Variants in KMT2E observed in about 807,000 individuals in gnomAD.
KMT2E encodes the protein lysine methyltransferase 2E (inactive).
Under a neutral mutation model 184.6 loss-of-function variants are expected in KMT2E, and 30 were observed. The observed-to-expected ratio is 0.16, with a 90% CI of 0.12 to 0.22. KMT2E has a LOEUF of 0.22. Ranked by LOEUF, KMT2E falls within the 10% of genes least tolerant of loss-of-function variation. KMT2E has a pLI of 1.00. For synonymous variants in KMT2E, 815 were observed against 776.5 expected, an observed-to-expected ratio of 1.05 and a Z score of -0.82; for missense variants, 2,023 against 2,237.4, an observed-to-expected ratio of 0.90 and a Z score of 1.93.
chr7:105,021,722 T>G lies in KMT2E; in HGVS notation c.-189+7187T>G, dbSNP rs530529382. ...AGAGTAAAGCAAGAGAAAGACACGT[T>G]TAATTCTCCTGAAAACAATTACCTT... On this transcript the variant is annotated intron_variant, in intron 1 of 26. Coordinates refer to ENST00000311117, the MANE Select transcript of KMT2E (RefSeq NM_182931.3). 5.9e-5 allele frequency among the ~76,000 whole-genome samples: 9 copies of G among 152,286 alleles called. No homozygotes were observed. In the South Asian group the frequency reaches 1.9e-3, roughly 32 times the overall value.
intron 15 of KMT2E, among the ~76,000 whole-genome samples, chr7:105,100,939 A>G (rs1288031459): frequency 6.6e-6 from 1 of 152,156 alleles, no homozygotes; most frequent in Non-Finnish European, 1.5e-5. Context: ...AGAGATACTT[A>G]CCAAATGAGA....
At chr7:105,089,747 G>A (rs943388829) in intron 13 of KMT2E, among the ~76,000 whole-genome samples, 2 of 152,056 alleles carry the variant, frequency 1.3e-5, no homozygotes, top group Non-Finnish European at 2.9e-5. Flanking sequence ...AGCATTTCAG[G>A]TAAGGCATGC....
At chr7:105,028,169 C>CT (rs751104838) in intron 1 of KMT2E, among the ~76,000 whole-genome samples, 2,251 of 142,060 alleles carry the variant, frequency 0.016, 17 homozygotes, top group Non-Finnish European at 0.022. Context: ...GGAACTGAGA[C>CT]TTTTTTTTTT....
intron 3 of KMT2E, among the ~76,000 whole-genome samples, chr7:105,054,549 T>A (rs532903815): frequency 1.3e-5 from 2 of 152,212 alleles, no homozygotes; most frequent in East Asian, 1.9e-4. Context: ...GGAGTTTTGC[T>A]CTTGTTGCCC....
intron 15 of KMT2E, among the ~76,000 whole-genome samples, chr7:105,094,978 C>T (rs965743063): frequency 3.9e-5 from 6 of 152,092 alleles, no homozygotes; most frequent in Non-Finnish European, 7.4e-5. Context: ...TGTAGTACAG[C>T]TTGAAAAATA....
intron 1 of KMT2E, among the ~76,000 whole-genome samples, chr7:105,018,111 A>G (rs1438598742): frequency 1.3e-5 from 2 of 152,222 alleles, no homozygotes; most frequent in Non-Finnish European, 2.9e-5. Flanking sequence ...TTAATTTCCA[A>G]GAATAATGTA....
intron 1 of KMT2E, among the ~76,000 whole-genome samples, chr7:105,031,675 A>G (rs1425027222): frequency 6.6e-6 from 1 of 150,810 alleles, no homozygotes; most frequent in Non-Finnish European, 1.5e-5. Context: ...TTGGTTGAAC[A>G]TGGGAGGCGG....
Position 105,073,655 on chromosome 7 carries a change from C to A in KMT2E, c.534C>A (p.Arg178=). 1 of 1,604,652 alleles carries A rather than the reference C, an allele frequency of 6.2e-7. No homozygotes were observed. The highest frequency in any genetic ancestry group is 8.5e-7 in the Non-Finnish European group (1 of 1,172,522). ...LDKERAVLLQ[R]RKRENMSDGD... ...AAGAGAGGGCAGTGCTACTACAACG[C>A]CGGAAAAGGGAAAATATGTCAGGTA... The change falls in exon 7 of 27, where the codon CGC becomes CGA. Residue 178 remains arginine, a synonymous_variant. Transcript: ENST00000311117.
intron 1 of KMT2E, among the ~76,000 whole-genome samples, chr7:105,027,257 C>G (rs1795212499): frequency 6.6e-6 from 1 of 151,632 alleles, no homozygotes; most frequent in Non-Finnish European, 1.5e-5. Context: ...TAATTTAAAA[C>G]AAATTTTTTT....
At position 105,107,403 on chromosome 7, in the gene KMT2E, T is replaced by C. The variant is rs1798956720; in HGVS notation, c.2946T>C (p.Phe982=). 7 of 1,606,114 alleles carry C rather than the reference T, an allele frequency of 4.4e-6. No homozygotes were observed. Among genetic ancestry groups the C allele is most frequent in the East Asian group, 2.2e-5 (1 of 44,828 alleles). Residue 982 remains phenylalanine (F), a synonymous_variant, in exon 22 of 27, where the codon TTT becomes TTC. Coordinates refer to ENST00000311117, the MANE Select transcript of KMT2E (RefSeq NM_182931.3). ...RSSTMLTLGP[F]RNSNLTELGL... ...CAACCATGTTAACATTGGGGCCTTT[T>C]AGAAATTCTAATTTAACTGAACTGG...
intron 1 of KMT2E, among the ~76,000 whole-genome samples, chr7:105,020,173 G>A (rs1435373626): frequency 1.3e-5 from 2 of 151,566 alleles, no homozygotes; most frequent in Non-Finnish European, 2.9e-5. Flanking sequence ...TTTTAATATT[G>A]AGAAAGATGA....
intron 2 of KMT2E, among the ~76,000 whole-genome samples, chr7:105,040,331 A>G (rs1438897474): frequency 6.6e-6 from 1 of 152,198 alleles, no homozygotes; most frequent in East Asian, 1.9e-4. Context: ...ATATACAATA[A>G]TAGACAATTA....
At chr7:105,071,608 A>ATATATATATATATATATATT (rs1304883029) in intron 6 of KMT2E, among the ~76,000 whole-genome samples, 1 of 31,876 alleles carries the variant, frequency 3.1e-5, no homozygotes, top group Non-Finnish European at 5.3e-5. Flanking sequence ...ATATATATAT[A>ATATATATATATATATATATT]TTTTTTTTTT....
At chr7:105,073,905 A>C (rs1326336488) in intron 7 of KMT2E, among the ~76,000 whole-genome samples, 1 of 152,164 alleles carries the variant, frequency 6.6e-6, no homozygotes, top group African/African-American at 2.4e-5. Flanking sequence ...AAATGAGAGG[A>C]AAATAAATAA....
At chr7:105,031,450 G>T (rs1795413053) in intron 1 of KMT2E, among the ~76,000 whole-genome samples, 3 of 151,190 alleles carry the variant, frequency 2.0e-5, no homozygotes, top group Non-Finnish European at 4.4e-5. Flanking sequence ...CTCTTATTTG[G>T]TTATTTAATG....
At chr7:105,019,805 G>A (rs1794872340) in intron 1 of KMT2E, among the ~76,000 whole-genome samples, 1 of 152,072 alleles carries the variant, frequency 6.6e-6, no homozygotes, top group Admixed American at 6.5e-5. Context: ...GGACATATCA[G>A]ATATTAATTA....
intron 6 of KMT2E, among the ~76,000 whole-genome samples, chr7:105,069,494 T>C (rs1047463974): frequency 6.6e-6 from 1 of 152,204 alleles, no homozygotes; most frequent in African/African-American, 2.4e-5. Context: ...TAGGGCATAG[T>C]GTACGAGGGT....
At chr7:105,083,293 T>C (rs1037990374) in intron 13 of KMT2E, among the ~76,000 whole-genome samples, 9 of 152,252 alleles carry the variant, frequency 5.9e-5, no homozygotes, top group Non-Finnish European at 1.3e-4. Flanking sequence ...CATAGAGTAC[T>C]GTGTGTAATG....
chr7:105,105,404 C>T (rs1275799195), intron 17 of KMT2E, 35 bp from the exon 18 acceptor site: 2 of 1,487,198 alleles, frequency 1.3e-6, no homozygotes, highest in Non-Finnish European at 1.8e-6. Context: ...TTTGGAATTA[C>T]ATATATAATG....
Sources: allele counts gnomAD v4.1 joint callset (sites outside exome capture counted in the v4.1 genomes callset), GRCh38; gene constraint gnomAD v4.1.1; transcripts MANE v1.5; gene names NCBI Gene and HGNC (gene_info 2026-07-23, HGNC 2026-07-21).